The following TMTC4 variants were observed in gnomAD, a reference collection of about 807,000 sequenced individuals.
TMTC4 encodes transmembrane O-mannosyltransferase targeting cadherins 4, also known as protein O-mannosyl-transferase TMTC4.
TMTC4 carries 65 observed loss-of-function variants against 86.0 expected under a neutral mutation model. The observed-to-expected ratio is 0.76, with a 90% confidence interval of 0.62 to 0.93. The LOEUF (loss-of-function observed/expected upper bound fraction) is 0.93. Ranked by LOEUF, TMTC4 falls within the 40% of genes least tolerant of loss-of-function variation. The pLI is 0.00. For missense variants in TMTC4, 866 were observed against 948.1 expected (o/e 0.91, Z 1.14); for synonymous variants, 379 against 382.5 (o/e 0.99, Z 0.11).
chr13:100,656,542 C>CTTTTTTTTTTTTTGTTTTTTTTTTT (rs1885138276), intron 5 of TMTC4, 74 bp from the exon 6 acceptor site: 1 of 350,206 alleles, frequency 2.9e-6, no homozygotes. Flanking sequence ...GGAGACATAA[C>CTTTTTTTTTTTTTGTTTTTTTTTTT]TTTTTTTTTT....
chr13:100,673,977 G>C (rs1185367944), intron 1 of TMTC4: 2 of 969,056 alleles, frequency 2.1e-6, no homozygotes, highest in Admixed American at 6.2e-5. Context: ...ATAGTGGCTA[G>C]ATCGTTCCTC....
In TMTC4 at chr13:100,666,086, G is replaced by T. The variant is rs773561250; in HGVS notation, c.220-1750C>A. 2.4e-5 allele frequency: 11 copies of T among 456,222 alleles called. No homozygotes were observed. In the East Asian group the frequency reaches 7.6e-4, roughly 32 times the overall value. The allele number at this position is 456,222 out of a possible 1,614,324, so 28.3% of individuals were successfully genotyped here. A position where few individuals can be genotyped will look rare whatever the true frequency, so the allele number is the denominator to read the frequency against. ...CGAGGTTCTAAATATTTGATTAAGTGGAGCCTCCACAGCAGGGTGTGCTAC... is the reference window on the plus strand; with the variant it reads ...CGAGGTTCTAAATATTTGATTAAGTTGAGCCTCCACAGCAGGGTGTGCTAC... On this transcript the variant is annotated intron_variant, in intron 3 of 18. Transcript: ENST00000342624.
At chr13:100,617,638 T>C (rs1290180997) in intron 15 of TMTC4, among the ~76,000 whole-genome samples, 1 of 152,200 alleles carries the variant, frequency 6.6e-6, no homozygotes, top group Non-Finnish European at 1.5e-5. Context: ...GAAGACCACA[T>C]GGCTGTAGAT....
At chr13:100,636,886 T>G in intron 9 of TMTC4, 152 bp from the exon 10 acceptor site, 1 of 753,456 alleles carries the variant, frequency 1.3e-6, no homozygotes, top group South Asian at 1.8e-5. Flanking sequence ...ATTGGGTATG[T>G]GACTATAGTC....
At chr13:100,616,453 G>A (rs77986477) in intron 15 of TMTC4, among the ~76,000 whole-genome samples, 5,230 of 152,190 alleles carry the variant, frequency 0.034, 293 homozygotes, top group African/African-American at 0.12. Flanking sequence ...CACCTGCCTC[G>A]GACTTCCAAA....
At chr13:100,642,462 G>A in intron 6 of TMTC4, 151 bp from the exon 7 acceptor site, 4 of 799,312 alleles carry the variant, frequency 5.0e-6, no homozygotes, top group African/African-American at 1.7e-5. Context: ...GTGGGCAAGA[G>A]TGCATTAGAC....
intron 12 of TMTC4, among the ~76,000 whole-genome samples, chr13:100,629,127 C>T (rs1372674989): frequency 4.0e-5 from 6 of 150,924 alleles, no homozygotes; most frequent in South Asian, 2.1e-4. Flanking sequence ...TCAGCCAGGG[C>T]GACAGAGCAA....
intron 17 of TMTC4, among the ~76,000 whole-genome samples, chr13:100,607,005 T>A (rs1365047640): frequency 6.6e-6 from 1 of 152,208 alleles, no homozygotes; most frequent in African/African-American, 2.4e-5. Flanking sequence ...TTGCACAGCC[T>A]TGCATTTCTT....
intron 1 of TMTC4, chr13:100,674,364 C>T (rs1481582271): frequency 1.0e-5 from 10 of 974,852 alleles, no homozygotes; most frequent in African/African-American, 1.8e-5. Context: ...GCCAGATGGC[C>T]GCTCCGGGGA....
At chr13:100,626,416 C>A (rs905118274) in intron 12 of TMTC4, among the ~76,000 whole-genome samples, 1 of 152,178 alleles carries the variant, frequency 6.6e-6, no homozygotes, top group Non-Finnish European at 1.5e-5. Context: ...TCACCAGAGA[C>A]AACCAGAAAA....
rs923371789 is a variant in TMTC4, at chr13:100,630,492, T to C, written c.1506+4313A>G. 3.3e-5 allele frequency among the ~76,000 whole-genome samples: 5 copies of C among 152,342 alleles called. No homozygotes were observed. In the South Asian group the frequency reaches 8.3e-4, roughly 25 times the overall value. On this transcript the variant is annotated intron_variant, in intron 12 of 18. Transcript: ENST00000342624. ...TGTAGCTTGGAGGAGGCTCAGTTAA[T>C]GCTATCGCTGAAGTGTGTGTTGAGA...
chr13:100,618,451 CTTGTTTT>C (rs1289329884), intron 15 of TMTC4, among the ~76,000 whole-genome samples: 21 of 82,430 alleles, frequency 2.5e-4, no homozygotes, highest in African/African-American at 7.9e-4. Flanking sequence ...TTTGTTGCTT[CTTGTTTT>C]TTTTTTTTTT....
At chr13:100,630,524 C>T (rs1881210387) in intron 12 of TMTC4, among the ~76,000 whole-genome samples, 1 of 152,130 alleles carries the variant, frequency 6.6e-6, no homozygotes. Context: ...GAGAAAAGTG[C>T]TCTAAATGAT....
rs577558901 is a variant in TMTC4, at chr13:100,656,729, A to G, written c.553-261T>C. Reference sequence around the variant, plus strand: ...TGGTTAATGTTTGTATTTTTTGTAGAGACGGGGTTTCACCATGTTGCCCAG... The same window carrying G: ...TGGTTAATGTTTGTATTTTTTGTAGGGACGGGGTTTCACCATGTTGCCCAG... On this transcript the variant is annotated intron_variant, in intron 5 of 18. Coordinates refer to ENST00000342624, the MANE Select transcript of TMTC4 (RefSeq NM_032813.5). Among the ~76,000 whole-genome samples, 5 of 151,896 alleles carry G rather than the reference A, an allele frequency of 3.3e-5. No homozygotes were observed. In the South Asian group the frequency reaches 6.3e-4, roughly 19 times the overall value.
At position 100,668,732 on chromosome 13, in the gene TMTC4, C is replaced by T; in HGVS notation, c.66G>A (p.Val22=). The T allele has an allele frequency of 6.2e-7, 1 of 1,614,244 alleles. No homozygotes were observed. The highest frequency in any genetic ancestry group is 1.1e-5 in the South Asian group (1 of 91,090). The part of the protein sequence containing the change: ...SHQPAVFRMA[V]LDTDLDHILP... ...GAATGTGATCCAAATCAGTGTCCAACACGGCCATTCTGAAAACTGCAGGTT... is the reference window on the plus strand; with the variant it reads ...GAATGTGATCCAAATCAGTGTCCAATACGGCCATTCTGAAAACTGCAGGTT... The change falls in exon 3 of 19, where the codon GTG becomes GTA. Residue 22 remains valine (V), a synonymous_variant. Transcript: ENST00000342624.
Position 100,663,171 on chromosome 13 carries a change from GTAGT to G in TMTC4, c.341_344del (p.Asn114ThrfsTer114). The G allele has an allele frequency of 6.2e-7, 1 of 1,614,206 alleles. No individual in the cohort carries two copies. Among genetic ancestry groups the G allele is most frequent in the Non-Finnish European group, 8.5e-7 (1 of 1,180,028 alleles). ...CGGGGTGGAAGCCTCCCGAGAGGTAGTAGTTAATCCTGCAGAAACACAGGGTGTT... is the reference window on the plus strand; with the variant it reads ...CGGGGTGGAAGCCTCCCGAGAGGTAGTAATCCTGCAGAAACACAGGGTGTT... On this transcript the variant is annotated frameshift_variant, in exon 5 of 19. Coordinates refer to ENST00000342624, the MANE Select transcript of TMTC4 (RefSeq NM_032813.5). LOFTEE classifies it high-confidence loss of function.
chr13:100,670,442 T>G lies in TMTC4; in HGVS notation c.-80A>C. The G allele has an allele frequency of 2.6e-5, 38 of 1,486,842 alleles. No homozygotes were observed. Among genetic ancestry groups the G allele is most frequent in the Non-Finnish European group, 2.9e-5 (32 of 1,092,046 alleles). The allele number at this position is 1,486,842 out of a possible 1,614,324, so 92.1% of individuals were successfully genotyped here. The stretch of plus-strand genomic sequence containing the variant: ...CCAGAGATGAAACAGGCCGCAACTC[T>G]TCCACTGCTTGTCTCTCGAGCCTCA... On this transcript the variant is annotated 5_prime_UTR_variant, in exon 2 of 19. Transcript: ENST00000342624.
At chr13:100,666,061 C>T (rs748632078) in intron 3 of TMTC4, 7 of 456,488 alleles carry the variant, frequency 1.5e-5, no homozygotes, top group Non-Finnish European at 2.6e-5. Context: ...TGAACACCAA[C>T]GAGGTTCTAA....
intron 6 of TMTC4, among the ~76,000 whole-genome samples, chr13:100,651,212 G>A (rs1006490899): frequency 2.6e-5 from 4 of 152,146 alleles, no homozygotes; most frequent in South Asian, 4.1e-4. Flanking sequence ...GTTTAGAAAC[G>A]AAATTGTTTT....
Sources: gnomAD v4.1 joint callset for allele counts (sites outside exome capture counted in the v4.1 genomes callset) on GRCh38, gnomAD v4.1.1 for gene constraint, MANE v1.5 for transcripts, NCBI Gene and HGNC (gene_info 2026-07-23, HGNC 2026-07-21) for gene names.